The following PITPNA variants were observed in gnomAD, a reference collection of about 807,000 sequenced individuals.
The protein encoded by PITPNA is phosphatidylinositol transfer protein alpha.
A neutral mutation model predicts 50.3 loss-of-function variants in PITPNA; 13 were observed. The ratio of observed to expected loss-of-function variants is 0.26; its 90% CI spans 0.17 to 0.41. PITPNA has a LOEUF of 0.41. PITPNA is among the 10% of genes least tolerant of loss of function. The probability of loss-of-function intolerance (pLI) is 1.00; values close to 1 mark genes in which losing one functional copy is unlikely to be tolerated. For missense variants in PITPNA, 207 were observed against 333.4 expected (o/e 0.62, Z 2.95); for synonymous variants, 120 against 119.6 (o/e 1.00, Z -0.02).
Position 1,562,703 on chromosome 17 carries a change from G to T in PITPNA, c.-143C>A. On this transcript the variant is annotated 5_prime_UTR_variant, in exon 1 of 12. Transcript: ENST00000313486. This position sits in a 1 kb window ranked among gnomAD's most constrained non-coding sequence, Gnocchi z 6.4. ...GCTCCGTCCCCGCCGCCCTCGCCGC[G>T]GTCGCCGCGCCGGCTCCTGCCGCCC... 2.3e-6 allele frequency: 1 copy of T among 436,308 alleles called. No homozygotes were observed. Among genetic ancestry groups the T allele is most frequent in the Non-Finnish European group, 3.1e-6 (1 of 320,106 alleles). The allele number at this position is 436,308 out of a possible 1,614,324, so 27.0% of individuals were successfully genotyped here.
intron 6 of PITPNA, among the ~76,000 whole-genome samples, chr17:1,539,180 G>A (rs907631547): frequency 6.6e-6 from 1 of 152,104 alleles, no homozygotes; most frequent in East Asian, 1.9e-4. Flanking sequence ...CTATCCACAG[G>A]AGTGATCACA....
intron 10 of PITPNA, among the ~76,000 whole-genome samples, chr17:1,528,641 G>A (rs1024263795): frequency 2.6e-5 from 4 of 151,910 alleles, no homozygotes; most frequent in African/African-American, 9.7e-5. Flanking sequence ...GGAGCTTAAC[G>A]TGGGAGGATC....
chr17:1,520,865 CTG>C (rs1191068917), intron 11 of PITPNA, among the ~76,000 whole-genome samples: 1 of 152,144 alleles, frequency 6.6e-6, no homozygotes, highest in Non-Finnish European at 1.5e-5. Context: ...AATTTTCTCT[CTG>C]AGGCTAATTG....
At chr17:1,541,872 T>C in intron 5 of PITPNA, 1 of 623,796 alleles carries the variant, frequency 1.6e-6, no homozygotes, top group Non-Finnish European at 3.1e-6. Context: ...ATTTTACAGA[T>C]GAGGTTCAAA....
chr17:1,561,212 C>T (rs1470847465), intron 1 of PITPNA: 1 of 152,310 alleles, frequency 6.6e-6, no homozygotes, highest in African/African-American at 2.4e-5. Flanking sequence ...GAACCCTGAG[C>T]TTCAACGATG....
At chr17:1,556,644 G>A (rs943706471) in intron 2 of PITPNA, among the ~76,000 whole-genome samples, 4 of 152,124 alleles carry the variant, frequency 2.6e-5, no homozygotes, top group African/African-American at 7.2e-5. Context: ...AGGAAATCCC[G>A]AGTTCCTGGG....
At chr17:1,557,277 C>G (rs60106069) in intron 2 of PITPNA, among the ~76,000 whole-genome samples, 14,548 of 152,254 alleles carry the variant, frequency 0.096, 1,142 homozygotes, top group African/African-American at 0.21. Context: ...CTGCCCACCC[C>G]TCTCGGGGGC....
intron 4 of PITPNA, among the ~76,000 whole-genome samples, chr17:1,543,725 C>G (rs565160149): frequency 1.3e-5 from 2 of 152,026 alleles, no homozygotes; most frequent in African/African-American, 4.8e-5. Context: ...AAGGTGACCC[C>G]GGAGCACAAA....
intron 3 of PITPNA, 56 bp from the exon 4 acceptor site, chr17:1,548,443 G>C (rs2075690448): frequency 1.6e-6 from 2 of 1,247,282 alleles, no homozygotes; most frequent in Non-Finnish European, 1.1e-6. Flanking sequence ...AAGGAGACAA[G>C]AGGCTTTTCA....
Position 1,538,947 on chromosome 17 carries a change from A to C in PITPNA, c.378T>G (p.His126Gln). 1 of 1,612,426 alleles carries C rather than the reference A, an allele frequency of 6.2e-7. No individual in the cohort carries two copies. Among genetic ancestry groups the C allele is most frequent in the Non-Finnish European group, 8.5e-7 (1 of 1,178,522 alleles). The change falls in exon 7 of 12, where the codon CAT (histidine) becomes CAG (glutamine). Residue 126 changes from histidine (H) to glutamine (Q), a missense_variant. By Grantham distance (24) the His-to-Gln change is conservative. Coordinates refer to ENST00000313486, the MANE Select transcript of PITPNA (RefSeq NM_006224.4). ...GTTTCCACGCCTCAGGCTCCAGCTT[A>C]TGCACCTGTGGGAACAAGTGGGGAA... ...KPDLGTQENVHKLEPEAWKHV... is the reference protein window; with the variant it reads ...KPDLGTQENVQKLEPEAWKHV...
chr17:1,558,925 T>C (rs1480498395), intron 1 of PITPNA, among the ~76,000 whole-genome samples: 2 of 151,994 alleles, frequency 1.3e-5, no homozygotes, highest in East Asian at 3.8e-4. Context: ...CATTCGGAAC[T>C]GGACATATGG....
chr17:1,521,619 T>G lies in PITPNA; in HGVS notation c.795A>C (p.Gly265=). The G allele has an allele frequency of 2.5e-6, 4 of 1,613,632 alleles. No homozygotes were observed. Among genetic ancestry groups the G allele is most frequent in the Non-Finnish European group, 3.4e-6 (4 of 1,179,588 alleles). ...DEMRQKDPVK[G]MTADD ...GGCGGCTTTAGTCATCTGCTGTCAT[T>G]CCTTTCACTGGGTCCTTTTGTCTCA... The change falls in exon 11 of 12, where the codon GGA becomes GGC. Residue 265 remains glycine (G), a synonymous_variant. Coordinates refer to ENST00000313486, the MANE Select transcript of PITPNA (RefSeq NM_006224.4).
At chr17:1,521,511 G>T in intron 11 of PITPNA, 68 bp downstream of exon 11, 2 of 1,046,136 alleles carry the variant, frequency 1.9e-6, no homozygotes, top group Non-Finnish European at 3.0e-6. Flanking sequence ...ATAGTGAGCT[G>T]CTGAGGCCTT....
At chr17:1,553,412 A>AT (rs1031012647) in intron 2 of PITPNA, among the ~76,000 whole-genome samples, 16 of 151,626 alleles carry the variant, frequency 1.1e-4, no homozygotes, top group East Asian at 3.9e-4. Flanking sequence ...TTATTTATTT[A>AT]TTTTTTTTGG....
At chr17:1,555,227 C>CAGAGGGCAGGTTCTA (rs1734562890) in intron 2 of PITPNA, among the ~76,000 whole-genome samples, 1 of 152,164 alleles carries the variant, frequency 6.6e-6, no homozygotes, top group East Asian at 1.9e-4. Flanking sequence ...CTGCAGGAAT[C>CAGAGGGCAGGTTCTA]AGAGGGCAGG....
chr17:1,554,930 T>A (rs955715926), intron 2 of PITPNA, among the ~76,000 whole-genome samples: 1 of 152,168 alleles, frequency 6.6e-6, no homozygotes, highest in Admixed American at 6.6e-5. Context: ...AATGCCCCCC[T>A]GGAGCCCCAA....
intron 3 of PITPNA, 111 bp from the exon 4 acceptor site, chr17:1,548,498 A>AT: frequency 1.4e-6 from 1 of 723,204 alleles, no homozygotes; most frequent in South Asian, 1.8e-5. Context: ...TTTCCATGCA[A>AT]TGAGCAGGTT....
At chr17:1,520,700 C>T (rs1399721258) in intron 11 of PITPNA, among the ~76,000 whole-genome samples, 162 bp from the exon 12 acceptor site, 1 of 152,142 alleles carries the variant, frequency 6.6e-6, no homozygotes, top group Non-Finnish European at 1.5e-5. Context: ...GAGAAGCTGG[C>T]ATCACAGCAG....
In PITPNA at chr17:1,517,855, T is replaced by G. The variant is rs2075474306; in HGVS notation, c.*2706A>C. The G allele has an allele frequency of 6.6e-6, 1 of 152,372 alleles. No individual in the cohort carries two copies. The highest frequency in any genetic ancestry group is 2.4e-5 in the African/African-American group (1 of 41,412). The allele number at this position is 152,372 out of a possible 1,614,324, so 9.4% of individuals were successfully genotyped here. ...GACACGGGACTATTATATGCAGAAA[T>G]CCACGTGCAAAAATTTTCAGACACA... On this transcript the variant is annotated 3_prime_UTR_variant, in exon 12 of 12. Coordinates refer to ENST00000313486, the MANE Select transcript of PITPNA (RefSeq NM_006224.4).
Sources: allele counts gnomAD v4.1 joint callset (sites outside exome capture counted in the v4.1 genomes callset), GRCh38; gene constraint gnomAD v4.1.1; non-coding constraint Gnocchi (gnomAD v3.1); transcripts MANE v1.5; gene names NCBI Gene and HGNC (gene_info 2026-07-23, HGNC 2026-07-21).